Variants in KPNA6 observed in about 807,000 individuals in gnomAD.
The protein encoded by KPNA6 is karyopherin subunit alpha 6.
Under a neutral mutation model 72.0 loss-of-function variants are expected in KPNA6, and 9 were observed. The observed-to-expected ratio is 0.13, with a 90% confidence interval of 0.08 to 0.22. The LOEUF (loss-of-function observed/expected upper bound fraction) is 0.22. Ranked by LOEUF, KPNA6 falls within the 10% of genes least tolerant of loss-of-function variation. The pLI is 1.00. For synonymous variants in KPNA6, 219 were observed against 242.1 expected (o/e 0.90, Z 0.89); for missense variants, 374 against 655.7 (o/e 0.57, Z 4.69).
At chr1:32,114,249 GGC>G (rs765103877) in intron 1 of KPNA6, among the ~76,000 whole-genome samples, 1 of 151,926 alleles carries the variant, frequency 6.6e-6, no homozygotes, top group Non-Finnish European at 1.5e-5. Context: ...AGACCAGCCT[GGC>G]CAATGTGGTG....
At chr1:32,135,397 C>T (rs748044565) in intron 1 of KPNA6, among the ~76,000 whole-genome samples, 2 of 151,948 alleles carry the variant, frequency 1.3e-5, no homozygotes, top group Non-Finnish European at 2.9e-5. Context: ...AGGGTTTTGG[C>T]ATGTTGGCCA....
Position 32,124,423 on chromosome 1 carries a change from C to T in KPNA6, c.4+16289C>T, listed in dbSNP as rs144324569. Among the ~76,000 whole-genome samples, 164 of 151,774 alleles carry T rather than the reference C, an allele frequency of 1.1e-3. 3 individuals are homozygous for T. In the East Asian group the frequency reaches 0.024, roughly 22 times the overall value. ...GGACAAGATGGCTCACGCCTATAAT[C>T]CCAGCACTTTGGGAGGCCAAGGCGG... On this transcript the variant is annotated intron_variant, in intron 1 of 13. Transcript: ENST00000373625.
At position 32,108,105 on chromosome 1, in the gene KPNA6, G is replaced by T. The variant is rs540449818; in HGVS notation, c.-26G>T. 19 of 1,613,786 alleles carry T rather than the reference G, an allele frequency of 1.2e-5. No homozygotes were observed. Among genetic ancestry groups the T allele is most frequent in the Middle Eastern group, 1.6e-4 (1 of 6,084 alleles). On this transcript the variant is annotated 5_prime_UTR_variant, in exon 1 of 14. Coordinates refer to ENST00000373625, the MANE Select transcript of KPNA6 (RefSeq NM_012316.5). ...TGAAGCTGCCGCCGTTGCCTCCGCC[G>T]CCAAGAGTGAGCGAGCGGACCCGCG...
chr1:32,146,474 G>T (rs918722636), intron 1 of KPNA6, among the ~76,000 whole-genome samples: 9 of 151,730 alleles, frequency 5.9e-5, no homozygotes, highest in Admixed American at 2.6e-4. Context: ...TATTTTCTGT[G>T]CATGTAGTTT....
chr1:32,150,506 A>T (rs1039606485), intron 1 of KPNA6, among the ~76,000 whole-genome samples: 3 of 152,018 alleles, frequency 2.0e-5, no homozygotes, highest in Non-Finnish European at 4.4e-5. Flanking sequence ...CCAGTTACTA[A>T]TATATGAGAG....
Position 32,166,091 on chromosome 1 carries a change from T to G in KPNA6, c.991-14T>G. The G allele has an allele frequency of 6.3e-7, 1 of 1,586,834 alleles. No individual in the cohort carries two copies. The highest frequency in any genetic ancestry group is 1.2e-5 in the South Asian group (1 of 85,324). On this transcript the variant is annotated splice_polypyrimidine_tract_variant and intron_variant, in intron 10 of 13. Transcript: ENST00000373625. The stretch of plus-strand genomic sequence containing the variant: ...TTAATTTTTCTTTTGTTTCCTGTGC[T>G]TTTGGTGTTCTAGGTCATTCTTAAC...
Position 32,108,147 on chromosome 1 carries a change from A to T in KPNA6, c.4+13A>T, listed in dbSNP as rs202079858. On this transcript the variant is annotated intron_variant, in intron 1 of 13. Transcript: ENST00000373625. Reference sequence around the variant, plus strand: ...GGACCCGCGATGGGTGAGTGAGGAAACCACGCAGTAGGGTTCTTGGGCTCA... The same window carrying T: ...GGACCCGCGATGGGTGAGTGAGGAATCCACGCAGTAGGGTTCTTGGGCTCA... The T allele has an allele frequency of 2.5e-6, 4 of 1,613,986 alleles. No individual in the cohort carries two copies. In the South Asian group the frequency reaches 3.3e-5, roughly 13 times the overall value.
intron 1 of KPNA6, among the ~76,000 whole-genome samples, chr1:32,124,249 T>A (rs1445497555): frequency 6.6e-6 from 1 of 151,668 alleles, no homozygotes; most frequent in Non-Finnish European, 1.5e-5. Context: ...GGCATGCACC[T>A]GCAGTCCCAA....
In KPNA6 at chr1:32,131,342, A is replaced by G. The variant is rs566769991; in HGVS notation, c.4+23208A>G. 1.6e-4 allele frequency among the ~76,000 whole-genome samples: 24 copies of G among 152,044 alleles called. No individual in the cohort carries two copies. The South Asian group carries it at 1.9e-3, about 12-fold the overall frequency. On this transcript the variant is annotated intron_variant, in intron 1 of 13. Coordinates refer to ENST00000373625, the MANE Select transcript of KPNA6 (RefSeq NM_012316.5). ...TATCTTCATGGCTTTGGAGTAGGCA[A>G]TGATTTGTTAGATAAGATGCCAAAG...
At chr1:32,156,439 G>T (rs922968504) in intron 2 of KPNA6, among the ~76,000 whole-genome samples, 18 of 152,060 alleles carry the variant, frequency 1.2e-4, no homozygotes, top group Non-Finnish European at 5.9e-5. Context: ...TAAAATAAGG[G>T]TTACTTGAAC....
At chr1:32,138,987 T>G (rs1641791132) in intron 1 of KPNA6, among the ~76,000 whole-genome samples, 1 of 152,184 alleles carries the variant, frequency 6.6e-6, no homozygotes, top group African/African-American at 2.4e-5. Context: ...TTCTGTAGTC[T>G]GCTTTTGGAG....
chr1:32,142,841 A>T, intron 1 of KPNA6: 1 of 768,966 alleles, frequency 1.3e-6, no homozygotes, highest in South Asian at 1.9e-5. Flanking sequence ...CCTCCTTCCA[A>T]TCTAACCTCC....
intron 1 of KPNA6, among the ~76,000 whole-genome samples, chr1:32,136,600 GTAA>G (rs1210295519): frequency 2.0e-5 from 3 of 152,166 alleles, no homozygotes; most frequent in Non-Finnish European, 2.9e-5. Context: ...GGTTGCTTTT[GTAA>G]TAATATATTA....
intron 1 of KPNA6, among the ~76,000 whole-genome samples, chr1:32,116,927 TAC>T (rs1280902948): frequency 2.0e-5 from 3 of 152,158 alleles, no homozygotes; most frequent in African/African-American, 7.2e-5. Context: ...AGTCAGATCA[TAC>T]ACAGTATTTA....
Position 32,166,226 on chromosome 1 carries a change from T to A in KPNA6, c.1112T>A (p.Ile371Lys). The change falls in exon 11 of 14, where the codon ATA becomes AAA. Residue 371 changes from isoleucine (I) to lysine (K), a missense_variant. Physicochemically the swap from Ile to Lys is moderately radical, Grantham distance 102. Around this residue, in one of 3 missense-constraint regions of KPNA6, gnomAD observed 298 missense variants for 495.4 expected, o/e 0.60. Transcript: ENST00000373625. ...SNITAGNRAQ[I>K]QAVIDANIFP... is the part of the protein sequence containing the mutation. ...ATTACTGCTGGCAACAGGGCTCAAA[T>A]ACAGGTAAAACAGGCAGGGAAGTCA... 6.2e-7 allele frequency: 1 copy of A among 1,612,690 alleles called. No homozygotes were observed. The highest frequency in any genetic ancestry group is 8.5e-7 in the Non-Finnish European group (1 of 1,179,570).
At chr1:32,166,855 G>A (rs568893481) in intron 11 of KPNA6, among the ~76,000 whole-genome samples, 7 of 149,904 alleles carry the variant, frequency 4.7e-5, no homozygotes, top group South Asian at 2.1e-4. Flanking sequence ...GGAGAATGGC[G>A]TGAACCTGGT....
chr1:32,166,052 A>C, intron 10 of KPNA6, 53 bp from the exon 11 acceptor site: 1 of 1,549,548 alleles, frequency 6.5e-7, no homozygotes, highest in Non-Finnish European at 8.7e-7. Context: ...AACATAAAAA[A>C]AATTAAAAAC....
At chr1:32,141,060 T>G (rs925601588) in intron 1 of KPNA6, among the ~76,000 whole-genome samples, 1 of 152,098 alleles carries the variant, frequency 6.6e-6, no homozygotes, top group African/African-American at 2.4e-5. Context: ...AATCCTGATG[T>G]TGTAGGTGTT....
chr1:32,156,164 G>A (rs570962965), intron 2 of KPNA6, among the ~76,000 whole-genome samples: 8 of 151,378 alleles, frequency 5.3e-5, no homozygotes, highest in South Asian at 4.2e-4. Flanking sequence ...GTACAGTGGC[G>A]TGATCTTGGC....
Sources: allele counts gnomAD v4.1 joint callset (sites outside exome capture counted in the v4.1 genomes callset), GRCh38; gene constraint gnomAD v4.1.1; regional missense constraint gnomAD v4.1.1; transcripts MANE v1.5; gene names NCBI Gene and HGNC (gene_info 2026-07-23, HGNC 2026-07-21).